RASGRP1: variants seen among roughly 807,000 people sequenced by gnomAD.
RASGRP1 encodes the protein RAS guanyl-releasing protein 1.
A neutral mutation model predicts 95.1 loss-of-function variants in RASGRP1; 37 were observed. That is an observed-to-expected ratio of 0.39 (90% CI 0.30 to 0.51). RASGRP1 has a LOEUF of 0.51. Ranked by LOEUF, RASGRP1 falls within the 20% of genes least tolerant of loss-of-function variation. RASGRP1 has a pLI of 0.80. For synonymous variants in RASGRP1, 325 were observed against 353.4 expected, an observed-to-expected ratio of 0.92 and a Z score of 0.90; for missense variants, 711 against 965.4, an observed-to-expected ratio of 0.74 and a Z score of 3.49.
At chr15:38,511,546 T>TGTTG in intron 8 of RASGRP1, 58 bp downstream of exon 8, 2 of 1,354,820 alleles carry the variant, frequency 1.5e-6, no homozygotes, top group Non-Finnish European at 2.1e-6. Flanking sequence ...AAGGAGAAAA[T>TGTTG]GTTGGCACAC....
chr15:38,515,910 A>AGAGTGTGT (rs779224083), intron 6 of RASGRP1, among the ~76,000 whole-genome samples: 21,347 of 142,794 alleles, frequency 0.15, 1,862 homozygotes, highest in Non-Finnish European at 0.21. Flanking sequence ...AGAGAGAGAG[A>AGAGTGTGT]GTGTGTGTGT....
chr15:38,560,837 G>A (rs1893777499), intron 1 of RASGRP1, among the ~76,000 whole-genome samples: 1 of 152,148 alleles, frequency 6.6e-6, no homozygotes, highest in Admixed American at 6.5e-5. Context: ...GGGCAAGTTT[G>A]GATCTAGAAA....
At chr15:38,556,809 G>C (rs1239878246) in intron 2 of RASGRP1, among the ~76,000 whole-genome samples, 1 of 152,222 alleles carries the variant, frequency 6.6e-6, no homozygotes, top group East Asian at 1.9e-4. Context: ...AAGAAGGTGA[G>C]GTTGAGAGGC....
intron 8 of RASGRP1, among the ~76,000 whole-genome samples, chr15:38,509,926 C>T (rs1169535643): frequency 6.6e-6 from 1 of 152,088 alleles, no homozygotes; most frequent in Non-Finnish European, 1.5e-5. Context: ...CAATGAAGAA[C>T]TTGGAGTTCT....
At position 38,503,261 on chromosome 15, in the gene RASGRP1, G is replaced by C; in HGVS notation, c.1428+11C>G. 6.3e-7 allele frequency: 1 copy of C among 1,587,878 alleles called. No individual in the cohort carries two copies. The highest frequency in any genetic ancestry group is 8.6e-7 in the Non-Finnish European group (1 of 1,158,458). ...GCCTAGTTTTTGTGTGCTGAACACA[G>C]CTGTACTTACATCCACCATCCTCTG... On this transcript the variant is annotated intron_variant, in intron 11 of 16. Transcript: ENST00000310803.
chr15:38,494,131 A>C (rs747190917), intron 16 of RASGRP1, among the ~76,000 whole-genome samples: 6 of 152,232 alleles, frequency 3.9e-5, no homozygotes, highest in African/African-American at 9.6e-5. Context: ...AGCCCTGTAT[A>C]GCCTGTGCTA....
intron 9 of RASGRP1, among the ~76,000 whole-genome samples, chr15:38,507,168 G>A (rs7177101): frequency 0.44 from 66,789 of 151,986 alleles, 15,441 homozygotes; most frequent in East Asian, 0.69. Flanking sequence ...GGTAAACTAC[G>A]GAATTGCAGG....
chr15:38,518,168 G>T lies in RASGRP1; in HGVS notation c.521+124C>A, dbSNP rs1202941431. The T allele has an allele frequency of 3.4e-6, 3 of 890,974 alleles. No homozygotes were observed. In the African/African-American group the frequency reaches 5.1e-5, roughly 15 times the overall value. The allele number at this position is 890,974 out of a possible 1,614,324, so 55.2% of individuals were successfully genotyped here. On this transcript the variant is annotated intron_variant, in intron 5 of 16. Coordinates refer to ENST00000310803, the MANE Select transcript of RASGRP1 (RefSeq NM_005739.4). The stretch of plus-strand genomic sequence containing the variant: ...GCAGTTTGAACCTGTGTATTTGAGG[G>T]GCTTCTCAGAGTGGAGAAAGAGAGC...
chr15:38,518,329 C>T lies in RASGRP1; in HGVS notation c.484G>A (p.Glu162Lys), dbSNP rs1391454027. The T allele has an allele frequency of 6.2e-7, 1 of 1,610,326 alleles. No individual in the cohort carries two copies. Among genetic ancestry groups the T allele is most frequent in the Non-Finnish European group, 8.5e-7 (1 of 1,178,422 alleles). ...TCAATCAGGCGGCAATGTAACTCCT[C>T]ACCCTTAGCTTTCACCAGTTCCTGA... ...EFQELVKAKG[E>K]ELHCRLIDTT... The change falls in exon 5 of 17, where the codon GAG becomes AAG. Residue 162 changes from glutamate (E) to lysine (K), a missense_variant. By Grantham distance (56) the Glu-to-Lys change is moderately conservative (BLOSUM62 1). Around this residue, in one of 3 missense-constraint regions of RASGRP1, gnomAD observed 491 missense variants for 676.6 expected, o/e 0.73. Transcript: ENST00000310803.
chr15:38,558,610 G>C (rs866771229), intron 2 of RASGRP1, among the ~76,000 whole-genome samples: 6 of 152,288 alleles, frequency 3.9e-5, no homozygotes, highest in Middle Eastern at 3.4e-3. Flanking sequence ...AGAAACTCTG[G>C]GGTTGGGGCC....
chr15:38,559,961 T>G lies in RASGRP1; in HGVS notation c.80A>C (p.Glu27Ala). The G allele has an allele frequency of 1.2e-6, 2 of 1,613,524 alleles. No individual in the cohort carries two copies. Among genetic ancestry groups the G allele is most frequent in the Non-Finnish European group, 1.7e-6 (2 of 1,179,722 alleles). The change falls in exon 2 of 17, where the codon GAG (glutamate) becomes GCG (alanine). Residue 27 changes from glutamate (E) to alanine (A), a missense_variant. Glu to Ala is a moderately radical substitution (Grantham distance 107). This residue lies in a region of RASGRP1 where 491 missense variants were observed against 676.6 expected (regional missense o/e 0.73). Transcript: ENST00000310803. ...GAAGGGGCTGTTGGCTGGCTTTGCC[T>G]CTAGTCTTGCTTTAGAGGCAGCTCT... ...GCRAASKARLEAKPANSPFPS... is the reference protein window; with the variant it reads ...GCRAASKARLAAKPANSPFPS...
At chr15:38,504,816 C>T (rs7165166) in intron 10 of RASGRP1, 6,678 of 152,162 alleles carry the variant, frequency 0.044, 373 homozygotes, top group African/African-American at 0.13. Flanking sequence ...ATGTGTTGTG[C>T]TACAATGTTA....
Position 38,564,595 on chromosome 15 carries a change from G to A in RASGRP1, c.34C>T (p.Arg12Trp). 2.9e-6 allele frequency: 4 copies of A among 1,384,046 alleles called. No homozygotes were observed. The highest frequency in any genetic ancestry group is 3.8e-6 in the Non-Finnish European group (4 of 1,056,918). 85.7% of individuals were successfully genotyped at this position (1,384,046 alleles called of 1,614,324 possible). A position where few individuals can be genotyped will look rare whatever the true frequency, so the allele number is the denominator to read the frequency against. ...AGGGCCACGGCCGCCTCTACTCACC[G>A]CGGAGCCTCTCTCGCCTTGCCCAGG... ...GTLGKAREAP[R>W]KPSHGCRAAS... Residue 12 changes from arginine (R) to tryptophan (W), a missense_variant and splice_region_variant, in exon 1 of 17, where the codon CGG becomes TGG. Arg to Trp is a moderately radical substitution (Grantham distance 101). This residue lies in a region of RASGRP1 where 491 missense variants were observed against 676.6 expected (regional missense o/e 0.73). Transcript: ENST00000310803.
In RASGRP1 at chr15:38,511,822, G is replaced by A. The variant is rs995013015; in HGVS notation, c.850-102C>T. On this transcript the variant is annotated intron_variant, in intron 7 of 16. Coordinates refer to ENST00000310803, the MANE Select transcript of RASGRP1 (RefSeq NM_005739.4). ...TCTCTGTGCCGTGAGTCTCCCTTAC[G>A]CTGGTTAAAGACTAGTTACGAGGCA... is the stretch of plus-strand genomic sequence containing the variant. The A allele has an allele frequency of 1.1e-4, 79 of 698,040 alleles. 1 individual carries two copies. The highest frequency in any genetic ancestry group is 8.4e-4 in the East Asian group (29 of 34,508). 43.2% of individuals were successfully genotyped at this position (698,040 alleles called of 1,614,324 possible). A position where few individuals can be genotyped will look rare whatever the true frequency, so the allele number is the denominator to read the frequency against.
At chr15:38,492,835 G>A (rs1890643124) in intron 16 of RASGRP1, among the ~76,000 whole-genome samples, 1 of 151,536 alleles carries the variant, frequency 6.6e-6, no homozygotes, top group Admixed American at 6.6e-5. Context: ...ACAGTTGGCT[G>A]TTGGCTCTTT....
intron 2 of RASGRP1, among the ~76,000 whole-genome samples, chr15:38,545,579 T>C (rs1157023703): frequency 1.3e-5 from 2 of 152,044 alleles, no homozygotes; most frequent in Non-Finnish European, 2.9e-5. Flanking sequence ...AAATATTAAA[T>C]TTCTAATGGT....
At chr15:38,536,667 C>T (rs2141158246) in intron 2 of RASGRP1, among the ~76,000 whole-genome samples, 1 of 152,334 alleles carries the variant, frequency 6.6e-6, no homozygotes, top group Non-Finnish European at 1.5e-5. Context: ...TAGATAACCT[C>T]ATTCCAGTGC....
At chr15:38,516,478 A>G in intron 5 of RASGRP1, 128 bp from the exon 6 acceptor site, 4 of 1,136,016 alleles carry the variant, frequency 3.5e-6, no homozygotes, top group Non-Finnish European at 5.1e-6. Context: ...TGTGAATGCC[A>G]AAACAGTGCA....
At chr15:38,542,840 T>TAC (rs1208120326) in intron 2 of RASGRP1, among the ~76,000 whole-genome samples, 5 of 128,240 alleles carry the variant, frequency 3.9e-5, no homozygotes, top group South Asian at 5.2e-4. Flanking sequence ...TATGTGTATA[T>TAC]ATATATATGT....
Sources: gnomAD v4.1 joint callset for allele counts (sites outside exome capture counted in the v4.1 genomes callset) on GRCh38, gnomAD v4.1.1 for gene constraint, gnomAD v4.1.1 regional missense constraint, MANE v1.5 for transcripts, NCBI Gene and HGNC (gene_info 2026-07-23, HGNC 2026-07-21) for gene names.